DENND5A: variants seen among roughly 807,000 people sequenced by gnomAD.
The protein encoded by DENND5A is DENN domain containing 5A.
Under a neutral mutation model 140.3 loss-of-function variants are expected in DENND5A, and 64 were observed. That is an observed-to-expected ratio of 0.46 (90% CI 0.37 to 0.56). The LOEUF (loss-of-function observed/expected upper bound fraction) is 0.56, where lower values mean the gene tolerates loss of function less well. Ranked by LOEUF, DENND5A falls within the 20% of genes least tolerant of loss-of-function variation. DENND5A has a pLI of 0.00. For synonymous variants in DENND5A, 605 were observed against 607.7 expected, an observed-to-expected ratio of 1.00 and a Z score of 0.07; for missense variants, 1,292 against 1,593.8, an observed-to-expected ratio of 0.81 and a Z score of 3.22.
At chr11:9,237,656 C>A (rs1020867222) in intron 1 of DENND5A, among the ~76,000 whole-genome samples, 1 of 152,180 alleles carries the variant, frequency 6.6e-6, no homozygotes, top group East Asian at 1.9e-4. Flanking sequence ...GAGGCCGAGG[C>A]AGACAGATCA....
Position 9,139,489 on chromosome 11 carries a change from A to C in DENND5A, c.*182T>G. 1 of 624,642 alleles carries C rather than the reference A, an allele frequency of 1.6e-6. No homozygotes were observed. The highest frequency in any genetic ancestry group is 2.7e-6 in the Non-Finnish European group (1 of 366,906). 38.7% of individuals were successfully genotyped at this position (624,642 alleles called of 1,614,324 possible). ...CTCTTTCACATGAAAGTGTGTAAAA[A>C]GCAAATCAGCAAATAAACTCTAAAA... On this transcript the variant is annotated 3_prime_UTR_variant, in exon 23 of 23. Coordinates refer to ENST00000328194, the MANE Select transcript of DENND5A (RefSeq NM_015213.4).
At position 9,144,141 on chromosome 11, in the gene DENND5A, C is replaced by A; in HGVS notation, c.3260G>T (p.Ser1087Ile). Residue 1087 changes from serine (S) to isoleucine (I), a missense_variant, in exon 19 of 23, where the codon AGT becomes ATT. Physicochemically the swap from Ser to Ile is moderately radical, Grantham distance 142. This residue lies in a region of DENND5A where 498 missense variants were observed against 689.7 expected (regional missense o/e 0.72). Transcript: ENST00000328194. The part of the protein sequence containing the change: ...CRTPPLQQSP[S>I]VIRRLVTISP... Reference sequence around the variant, plus strand: ...GATGGTAACAAGCCTCCGGATGACACTGGGGGACTGCTGCAGCGGCGGGGT... The same window carrying A: ...GATGGTAACAAGCCTCCGGATGACAATGGGGGACTGCTGCAGCGGCGGGGT... The A allele has an allele frequency of 2.5e-6, 4 of 1,614,126 alleles. No individual in the cohort carries two copies. The highest frequency in any genetic ancestry group is 2.5e-6 in the Non-Finnish European group (3 of 1,180,018).
At position 9,233,875 on chromosome 11, in the gene DENND5A, C is replaced by T. The variant is rs565170836; in HGVS notation, c.110-26243G>A. Among the ~76,000 whole-genome samples the T allele has an allele frequency of 3.3e-5, 5 of 152,246 alleles. No individual in the cohort carries two copies. In the South Asian group the frequency reaches 1.0e-3, roughly 32 times the overall value. ...CCCAGTTTGTGGTAATTTGTTGCCA[C>T]AGCCACAGTAAACTAATATAGGCTG... is the stretch of plus-strand genomic sequence containing the variant. On this transcript the variant is annotated intron_variant, in intron 1 of 22. Coordinates refer to ENST00000328194, the MANE Select transcript of DENND5A (RefSeq NM_015213.4).
chr11:9,185,246 T>C (rs1386147944), intron 5 of DENND5A, among the ~76,000 whole-genome samples: 4 of 152,196 alleles, frequency 2.6e-5, no homozygotes, highest in Non-Finnish European at 5.9e-5. Flanking sequence ...GATAGTGCTT[T>C]TTATAACTTG....
At chr11:9,156,987 C>T (rs1037174902) in intron 12 of DENND5A, among the ~76,000 whole-genome samples, 1 of 152,038 alleles carries the variant, frequency 6.6e-6, no homozygotes, top group African/African-American at 2.4e-5. Flanking sequence ...TACAGTAGAA[C>T]ACAGACTTAG....
At chr11:9,224,856 C>G (rs1374006533) in intron 1 of DENND5A, among the ~76,000 whole-genome samples, 94 of 94,008 alleles carry the variant, frequency 1.0e-3, no homozygotes, top group Non-Finnish European at 1.7e-3. Flanking sequence ...AGACTCCATC[C>G]AAAAAAAAAA....
intron 13 of DENND5A, among the ~76,000 whole-genome samples, chr11:9,151,058 G>T (rs745380201): frequency 1.3e-5 from 2 of 152,144 alleles, no homozygotes; most frequent in Non-Finnish European, 2.9e-5. Flanking sequence ...TAGCTGCTTT[G>T]CCTATGTCAC....
At chr11:9,203,118 C>G (rs1357823418) in intron 4 of DENND5A, among the ~76,000 whole-genome samples, 1 of 152,182 alleles carries the variant, frequency 6.6e-6, no homozygotes, top group Admixed American at 6.5e-5. Flanking sequence ...ATGTTACTAG[C>G]CTGGCTCATT....
At chr11:9,187,338 G>A (rs999686087) in intron 5 of DENND5A, among the ~76,000 whole-genome samples, 30 of 152,064 alleles carry the variant, frequency 2.0e-4, no homozygotes, top group Admixed American at 1.9e-3. Flanking sequence ...AAGAGGTACC[G>A]AATGCCAAGT....
chr11:9,187,069 G>A (rs1005048759), intron 5 of DENND5A, among the ~76,000 whole-genome samples: 1 of 152,084 alleles, frequency 6.6e-6, no homozygotes, highest in African/African-American at 2.4e-5. Flanking sequence ...AGGTAACAGA[G>A]CAAGACTCCA....
rs536975546 is a variant in DENND5A, at chr11:9,184,075, G to A, written c.1138-2991C>T. On this transcript the variant is annotated intron_variant, in intron 5 of 22. Coordinates refer to ENST00000328194, the MANE Select transcript of DENND5A (RefSeq NM_015213.4). ...TCAAAAAAAAAAAGACATTTGGGCC[G>A]GGCACAGTGGCTCACACCTGTAATC... Among the ~76,000 whole-genome samples the A allele has an allele frequency of 6.6e-5, 10 of 151,848 alleles. No homozygotes were observed. In the South Asian group the frequency reaches 1.7e-3, roughly 25 times the overall value.
At chr11:9,162,329 C>T (rs1848015870) in intron 11 of DENND5A, among the ~76,000 whole-genome samples, 1 of 150,156 alleles carries the variant, frequency 6.7e-6, no homozygotes, top group Non-Finnish European at 1.5e-5. Flanking sequence ...ACCTCCGCCT[C>T]CCCGGTTCAA....
chr11:9,212,920 T>C (rs952691842), intron 1 of DENND5A, among the ~76,000 whole-genome samples: 2 of 151,368 alleles, frequency 1.3e-5, no homozygotes, highest in Admixed American at 6.6e-5. Flanking sequence ...GGTGTGGCTA[T>C]AAAAGGGCAA....
chr11:9,201,780 G>A (rs1849532633), intron 4 of DENND5A, among the ~76,000 whole-genome samples: 1 of 151,658 alleles, frequency 6.6e-6, no homozygotes, highest in South Asian at 2.1e-4. Flanking sequence ...TCCATAAACT[G>A]CAAATATAAT....
At chr11:9,146,876 A>T in intron 16 of DENND5A, 154 bp downstream of exon 16, 1 of 781,474 alleles carries the variant, frequency 1.3e-6, no homozygotes, top group Non-Finnish European at 2.1e-6. Context: ...GCCTCCAAGG[A>T]GGGCAAGTGC....
chr11:9,251,364 T>C (rs1344213270), intron 1 of DENND5A, among the ~76,000 whole-genome samples: 1 of 151,908 alleles, frequency 6.6e-6, no homozygotes, highest in Non-Finnish European at 1.5e-5. Flanking sequence ...CAATAAAAAA[T>C]AAAAAATTAC....
chr11:9,207,439 A>G, intron 2 of DENND5A, 122 bp downstream of exon 2: 1 of 687,512 alleles, frequency 1.5e-6, no homozygotes, highest in Non-Finnish European at 2.5e-6. Flanking sequence ...AATCTGAAAA[A>G]TCTAGTGGTC....
intron 1 of DENND5A, among the ~76,000 whole-genome samples, chr11:9,247,625 T>C (rs1043377421): frequency 6.6e-6 from 1 of 152,122 alleles, no homozygotes; most frequent in African/African-American, 2.4e-5. Flanking sequence ...TGAACGACCA[T>C]GGCCCAGGGA....
intron 1 of DENND5A, among the ~76,000 whole-genome samples, chr11:9,217,868 CCA>C (rs1850156206): frequency 6.6e-6 from 1 of 152,084 alleles, no homozygotes; most frequent in Non-Finnish European, 1.5e-5. Flanking sequence ...GTATCTTTTC[CCA>C]CACACAAAAA....
Sources: gnomAD v4.1 joint callset for allele counts (sites outside exome capture counted in the v4.1 genomes callset) on GRCh38, gnomAD v4.1.1 for gene constraint, gnomAD v4.1.1 regional missense constraint, MANE v1.5 for transcripts, NCBI Gene and HGNC (gene_info 2026-07-23, HGNC 2026-07-21) for gene names.